The following CSRNP2 variants were observed in gnomAD, a reference collection of about 807,000 sequenced individuals.
CSRNP2 encodes cysteine and serine rich nuclear protein 2, also known as cysteine/serine-rich nuclear protein 2.
Under a neutral mutation model 36.6 loss-of-function variants are expected in CSRNP2, and 11 were observed. That is an observed-to-expected ratio of 0.30 (90% CI 0.19 to 0.50). The LOEUF (loss-of-function observed/expected upper bound fraction) is 0.50, where lower values mean the gene tolerates loss of function less well. CSRNP2 is among the 20% of genes least tolerant of loss of function. CSRNP2 has a pLI of 0.98. For missense variants in CSRNP2, 483 were observed against 691.4 expected (o/e 0.70, Z 3.38); for synonymous variants, 248 against 275.3 (o/e 0.90, Z 0.98).
rs548371527 is a variant in CSRNP2 at position 51,061,341 on chromosome 12, C to T, written c.*2405G>A. ...CTTTGGATTCACATTGAAAATACTA[C>T]CTGTGTACAGTATGTGAGAAAGGAA... On this transcript the variant is annotated 3_prime_UTR_variant, in exon 5 of 5. Coordinates refer to ENST00000228515, the MANE Select transcript of CSRNP2 (RefSeq NM_030809.3). 1.3e-5 allele frequency: 2 copies of T among 152,682 alleles called. No individual in the cohort carries two copies. The highest frequency in any genetic ancestry group is 4.1e-4 in the South Asian group (2 of 4,822). 9.5% of individuals were successfully genotyped at this position (152,682 alleles called of 1,614,324 possible).
rs866177912 is a variant in CSRNP2 at position 51,079,240 on chromosome 12, G to A, written c.-86-2593C>T. Reference sequence around the variant, plus strand: ...GCCTGTCGTGGGGTGGGGGAAGCGGGGAGGGATTATACCTAATGTAAATGA... The same window carrying A: ...GCCTGTCGTGGGGTGGGGGAAGCGGAGAGGGATTATACCTAATGTAAATGA... On this transcript the variant is annotated intron_variant, in intron 1 of 4. Coordinates refer to ENST00000228515, the MANE Select transcript of CSRNP2 (RefSeq NM_030809.3). Among the ~76,000 whole-genome samples, 11 of 152,028 alleles carry A rather than the reference G, an allele frequency of 7.2e-5. No individual in the cohort carries two copies. The Middle Eastern group carries it at 0.01, about 141-fold the overall frequency.
chr12:51,074,123 A>T, intron 2 of CSRNP2, 41 bp from the exon 3 acceptor site: 1 of 1,569,056 alleles, frequency 6.4e-7, no homozygotes, highest in Non-Finnish European at 8.6e-7. Flanking sequence ...TTATTTTTCT[A>T]TTTATTTATT....
chr12:51,071,811 A>G (rs1939172214), intron 3 of CSRNP2, among the ~76,000 whole-genome samples: 1 of 152,198 alleles, frequency 6.6e-6, no homozygotes, highest in Non-Finnish European at 1.5e-5. Flanking sequence ...AGGGAAAGGA[A>G]GGAATGCCTT....
At chr12:51,069,069 G>A (rs1007527232) in intron 3 of CSRNP2, among the ~76,000 whole-genome samples, 5 of 152,072 alleles carry the variant, frequency 3.3e-5, no homozygotes, top group African/African-American at 1.2e-4. Context: ...TCCACCTCCT[G>A]GGTTCACGCC....
chr12:51,078,449 G>C (rs941444852), intron 1 of CSRNP2, among the ~76,000 whole-genome samples: 1 of 151,994 alleles, frequency 6.6e-6, no homozygotes, highest in African/African-American at 2.4e-5. Context: ...TAAAAAACGA[G>C]CCCAAAGTAT....
intron 3 of CSRNP2, among the ~76,000 whole-genome samples, chr12:51,070,188 G>C (rs565996356): frequency 6.6e-6 from 1 of 152,312 alleles, no homozygotes; most frequent in Admixed American, 6.5e-5. Context: ...GCCTTTGGTT[G>C]ATTTCATCAG....
chr12:51,066,411 C>G (rs530572552), intron 4 of CSRNP2, among the ~76,000 whole-genome samples: 2 of 149,592 alleles, frequency 1.3e-5, no homozygotes, highest in African/African-American at 4.9e-5. Flanking sequence ...CGAGATCACG[C>G]GCTACGGCAC....
At chr12:51,079,427 G>C (rs1015674333) in intron 1 of CSRNP2, among the ~76,000 whole-genome samples, 2 of 151,762 alleles carry the variant, frequency 1.3e-5, no homozygotes, top group African/African-American at 2.4e-5. Context: ...GGGAGGGGGA[G>C]CCCCTTGTGA....
Position 51,061,389 on chromosome 12 carries a change from G to A in CSRNP2, c.*2357C>T, listed in dbSNP as rs1483015123. The A allele has an allele frequency of 1.3e-5, 2 of 152,580 alleles. No individual in the cohort carries two copies. Among genetic ancestry groups the A allele is most frequent in the Non-Finnish European group, 2.9e-5 (2 of 68,034 alleles). 9.5% of individuals were successfully genotyped at this position (152,580 alleles called of 1,614,324 possible). A position where few individuals can be genotyped will look rare whatever the true frequency, so the allele number is the denominator to read the frequency against. ...GAAATTGGAAAATAATAAGGGTTGT[G>A]GTAATAAGAGTCATTTATCTAGGCC... On this transcript the variant is annotated 3_prime_UTR_variant, in exon 5 of 5. Transcript: ENST00000228515.
rs1487938359 is a variant in CSRNP2 at position 51,064,231 on chromosome 12, C to A, written c.1147G>T (p.Ala383Ser). 1 of 1,613,496 alleles carries A rather than the reference C, an allele frequency of 6.2e-7. No homozygotes were observed. The highest frequency in any genetic ancestry group is 8.5e-7 in the Non-Finnish European group (1 of 1,179,760). The change falls in exon 5 of 5, where the codon GCT becomes TCT. Residue 383 changes from alanine to serine, a missense_variant. Transcript: ENST00000228515. ...PGLTAPILIQ[A>S]QLPPGSSVLC... ...ACAGAGGAGCCTGGGGGCAGCTGAG[C>A]CTGGATGAGAATGGGGGCTGTAAGG...
intron 3 of CSRNP2, among the ~76,000 whole-genome samples, chr12:51,072,753 G>A (rs933248381): frequency 6.6e-6 from 1 of 152,040 alleles, no homozygotes; most frequent in Admixed American, 6.6e-5. Flanking sequence ...AAGGGTGATG[G>A]GGATTATAGA....
At chr12:51,076,830 A>G (rs1388270163) in intron 1 of CSRNP2, 183 bp from the exon 2 acceptor site, 2 of 406,280 alleles carry the variant, frequency 4.9e-6, no homozygotes, top group East Asian at 4.5e-5. Flanking sequence ...CAGCCCCTCT[A>G]TTCTCAATCA....
rs373953570 is a variant in CSRNP2, at chr12:51,063,836, A to G, written c.1542T>C (p.Asn514=). 1.1e-4 allele frequency: 171 copies of G among 1,613,802 alleles called. 1 individual carries two copies. In the South Asian group the frequency reaches 1.4e-3, roughly 14 times the overall value. Reference sequence around the variant, plus strand: ...TCTTCACCATCCCACAGCCCTCTTCATTGTCCGTGCGGAAGGGGAGGCTTG... The same window carrying G: ...TCTTCACCATCCCACAGCCCTCTTCGTTGTCCGTGCGGAAGGGGAGGCTTG... ...SPSSLPFRTD[N]EEGCGMVKTS... Residue 514 remains asparagine, a synonymous_variant, in exon 5 of 5, where the codon AAT becomes AAC. Transcript: ENST00000228515.
intron 3 of CSRNP2, among the ~76,000 whole-genome samples, chr12:51,068,190 T>C (rs1277040289): frequency 6.6e-6 from 1 of 152,224 alleles, no homozygotes; most frequent in Non-Finnish European, 1.5e-5. Context: ...AAAAGTCTCA[T>C]TCTGTCGTCC....
Position 51,064,494 on chromosome 12 carries a change from G to A in CSRNP2, c.884C>T (p.Ser295Phe), listed in dbSNP as rs982192483. Residue 295 changes from serine to phenylalanine, a missense_variant, in exon 5 of 5, where the codon TCC becomes TTC. Ser to Phe is a radical substitution (Grantham distance 155). This residue lies in a region of CSRNP2 where 277 missense variants were observed against 323.6 expected (regional missense o/e 0.86). Transcript: ENST00000228515. The stretch of plus-strand genomic sequence containing the variant: ...TGTCAGGCTGCAACTGGCAGTCGGG[G>A]AGGGCTCCTCATCTGGGGCTGCTGG... The part of the protein sequence containing the change: ...SRPAAPDEEP[S>F]PTASCSLTGA... 1 of 1,611,072 alleles carries A rather than the reference G, an allele frequency of 6.2e-7. No individual in the cohort carries two copies. The highest frequency in any genetic ancestry group is 1.3e-5 in the African/African-American group (1 of 74,842).
In CSRNP2 at chr12:51,068,906, G is replaced by C. The variant is rs528562395; in HGVS notation, c.412-937C>G. 1.6e-3 allele frequency among the ~76,000 whole-genome samples: 250 copies of C among 152,334 alleles called. 1 individual carries two copies. Among genetic ancestry groups the C allele is most frequent in the Non-Finnish European group, 2.9e-3 (198 of 68,026 alleles). On this transcript the variant is annotated intron_variant, in intron 3 of 4. Coordinates refer to ENST00000228515, the MANE Select transcript of CSRNP2 (RefSeq NM_030809.3). ...AAAGAGCTTCATTCTACTGTAAGGA[G>C]AAAAAGCAAATATATTAACAGGTAT...
chr12:51,081,299 AAAAT>A (rs1484884183), intron 1 of CSRNP2: 2 of 152,104 alleles, frequency 1.3e-5, no homozygotes, highest in Non-Finnish European at 2.9e-5. Context: ...AAAATAAAAT[AAAAT>A]AAATAAAAAT....
At chr12:51,074,293 T>C (rs1345261872) in intron 2 of CSRNP2, among the ~76,000 whole-genome samples, 7 of 152,044 alleles carry the variant, frequency 4.6e-5, no homozygotes, top group Admixed American at 4.6e-4. Context: ...AATTTTTGTA[T>C]TTTAGTAGAG....
rs902376135 is a variant in CSRNP2, at chr12:51,062,813, G to GA, written c.*932dup. ...CTCACAAAGAGGGAAAAACCTGGGT[G>GA]AAAAAACAAGCATGGCACAAATATG... On this transcript the variant is annotated 3_prime_UTR_variant, in exon 5 of 5. Transcript: ENST00000228515. 1.6e-4 allele frequency: 25 copies of GA among 152,524 alleles called. No homozygotes were observed. Among genetic ancestry groups the GA allele is most frequent in the Admixed American group, 1.2e-3 (19 of 15,290 alleles). The allele number at this position is 152,524 out of a possible 1,614,324, so 9.4% of individuals were successfully genotyped here. A position where few individuals can be genotyped will look rare whatever the true frequency, so the allele number is the denominator to read the frequency against.
Sources: gnomAD v4.1 joint callset for allele counts (sites outside exome capture counted in the v4.1 genomes callset) on GRCh38, gnomAD v4.1.1 for gene constraint, gnomAD v4.1.1 regional missense constraint, MANE v1.5 for transcripts, NCBI Gene and HGNC (gene_info 2026-07-23, HGNC 2026-07-21) for gene names.